Variants in SARDH observed in about 807,000 individuals in gnomAD.
SARDH encodes the protein sarcosine dehydrogenase, mitochondrial.
SARDH carries 95 observed loss-of-function variants against 109.1 expected under a neutral mutation model. The ratio of observed to expected loss-of-function variants is 0.87; its 90% confidence interval spans 0.74 to 1.03. SARDH has a LOEUF of 1.03. SARDH is among the 50% of genes least tolerant of loss of function. The pLI is 0.00. For missense variants in SARDH, 1,267 were observed against 1,287.8 expected, an observed-to-expected ratio of 0.98 and a Z score of 0.25; for synonymous variants, 572 against 534.8, an observed-to-expected ratio of 1.07 and a Z score of -0.96.
At position 133,690,543 on chromosome 9, in the gene SARDH, C is replaced by T. The variant is rs1232241120; in HGVS notation, c.1922-16G>A. The T allele has an allele frequency of 1.3e-6, 2 of 1,590,226 alleles. No individual in the cohort carries two copies. Among genetic ancestry groups the T allele is most frequent in the Non-Finnish European group, 1.7e-6 (2 of 1,170,682 alleles). ...TAACCGTCCCCTGGAAGAGAGGCAC[C>T]TGGACTTAGAGCAGGATTTCAGGGC... On this transcript the variant is annotated splice_polypyrimidine_tract_variant and intron_variant, in intron 15 of 20. Coordinates refer to ENST00000439388, the MANE Select transcript of SARDH (RefSeq NM_001134707.2).
rs754829616 is a variant in SARDH, at chr9:133,690,502, G to A, written c.1947C>T (p.Gly649=). 45 of 1,608,178 alleles carry A rather than the reference G, an allele frequency of 2.8e-5. No individual in the cohort carries two copies. The highest frequency in any genetic ancestry group is 4.5e-5 in the East Asian group (2 of 44,828). ...ACCAGTTGTGCTGGGCCACGGCCCC[G>A]CCCATGGCCAGGTAGTAACCGTCCC... is the stretch of plus-strand genomic sequence containing the variant. ...FEGDGYYLAM[G]GAVAQHNWSH... Residue 649 remains glycine, a synonymous_variant, in exon 16 of 21, where the codon GGC becomes GGT. Coordinates refer to ENST00000439388, the MANE Select transcript of SARDH (RefSeq NM_001134707.2).
chr9:133,673,221 C>T (rs1830410232), intron 17 of SARDH, among the ~76,000 whole-genome samples: 1 of 152,256 alleles, frequency 6.6e-6, no homozygotes, highest in African/African-American at 2.4e-5. Flanking sequence ...GCGTGATTTT[C>T]CTCACACACT....
intron 17 of SARDH, among the ~76,000 whole-genome samples, chr9:133,684,207 G>A (rs554754258): frequency 1.3e-5 from 2 of 152,222 alleles, no homozygotes; most frequent in South Asian, 2.1e-4. Context: ...TGGCTGTCAC[G>A]ACGGTGGGTG....
chr9:133,723,240 G>C (rs953700143), intron 6 of SARDH, among the ~76,000 whole-genome samples: 1 of 152,200 alleles, frequency 6.6e-6, no homozygotes, highest in African/African-American at 2.4e-5. Flanking sequence ...CACAATGCCT[G>C]TCAGAATCTC....
chr9:133,712,688 C>A lies in SARDH; in HGVS notation c.1259G>T (p.Cys420Phe). Residue 420 changes from cysteine to phenylalanine, a missense_variant, in exon 10 of 21, where the codon TGT becomes TTT. Cys to Phe is a radical substitution (Grantham distance 205). Coordinates refer to ENST00000439388, the MANE Select transcript of SARDH (RefSeq NM_001134707.2). This position sits in a 1 kb window ranked among gnomAD's most constrained non-coding sequence, Gnocchi z 4.1. ...GATCCAGTGGGCCAGCTCCTGCCCA[C>A]AGCCACCACCCAGCATCATTCCTGG... ...NSAGMMLGGG[C>F]GQELAHWIIH... is the part of the protein sequence containing the mutation. The A allele has an allele frequency of 1.2e-6, 2 of 1,609,732 alleles. No homozygotes were observed. Among genetic ancestry groups the A allele is most frequent in the Non-Finnish European group, 8.5e-7 (1 of 1,179,974 alleles).
Position 133,685,180 on chromosome 9 carries a change from A to T in SARDH, c.2163+13T>A, listed in dbSNP as rs1459285481. The T allele has an allele frequency of 6.2e-7, 1 of 1,612,036 alleles. No individual in the cohort carries two copies. The highest frequency in any genetic ancestry group is 8.5e-7 in the Non-Finnish European group (1 of 1,178,810). On this transcript the variant is annotated intron_variant, in intron 17 of 20. Transcript: ENST00000439388. ...CACCCACGACCCAGAGGACGTGGCCAGCTGGAACCTACCAGGTGCCCTGCG... is the reference window on the plus strand; with the variant it reads ...CACCCACGACCCAGAGGACGTGGCCTGCTGGAACCTACCAGGTGCCCTGCG...
intron 6 of SARDH, among the ~76,000 whole-genome samples, chr9:133,727,590 G>A (rs760084947): frequency 9.2e-5 from 14 of 152,196 alleles, no homozygotes; most frequent in Non-Finnish European, 1.8e-4. Flanking sequence ...CCTCTGGAAG[G>A]GACAACTTCC....
At chr9:133,689,451 T>C (rs1300551548) in intron 16 of SARDH, among the ~76,000 whole-genome samples, 1 of 151,814 alleles carries the variant, frequency 6.6e-6, no homozygotes, top group Non-Finnish European at 1.5e-5. Flanking sequence ...ACTAGGCCGT[T>C]TTCTCACAGA....
rs370850397 is a variant in SARDH, at chr9:133,725,167, C to T, written c.915+4598G>A. ...AAACGTCCAGAATAGGAAACTCCAT[C>T]GAGGCAGAAATCAGATTTGGGATTG... On this transcript the variant is annotated intron_variant, in intron 6 of 20. Coordinates refer to ENST00000439388, the MANE Select transcript of SARDH (RefSeq NM_001134707.2). 3.9e-5 allele frequency among the ~76,000 whole-genome samples: 6 copies of T among 152,170 alleles called. No homozygotes were observed. The East Asian group carries it at 5.8e-4, about 15-fold the overall frequency.
At chr9:133,691,558 T>C (rs1359578236) in intron 15 of SARDH, among the ~76,000 whole-genome samples, 1 of 152,120 alleles carries the variant, frequency 6.6e-6, no homozygotes, top group South Asian at 2.1e-4. Context: ...TTCAGTATCA[T>C]TGGAATGGTT....
rs188924558 is a variant in SARDH, at chr9:133,718,041, C to T, written c.1021-586G>A. Reference sequence around the variant, plus strand: ...TAACCTGCTAATTTTATTCAGTGCGCGATCATCTTCCAGAATTTCATTCCT... The same window carrying T: ...TAACCTGCTAATTTTATTCAGTGCGTGATCATCTTCCAGAATTTCATTCCT... On this transcript the variant is annotated intron_variant, in intron 7 of 20. Coordinates refer to ENST00000439388, the MANE Select transcript of SARDH (RefSeq NM_001134707.2). This position sits in a 1 kb window ranked among gnomAD's most constrained non-coding sequence, Gnocchi z 4.2. 3.9e-5 allele frequency among the ~76,000 whole-genome samples: 6 copies of T among 152,280 alleles called. No individual in the cohort carries two copies. Among genetic ancestry groups the T allele is most frequent in the East Asian group, 1.9e-4 (1 of 5,186 alleles).
rs115017071 is a variant in SARDH, at chr9:133,712,254, G to A, written c.1328+365C>T. ...AGCCGGGGCTGCCTGGCTGCAAGCC[G>A]CGGCATACACACTCAGCACAGTTTT... is the stretch of plus-strand genomic sequence containing the variant. On this transcript the variant is annotated intron_variant, in intron 10 of 20. Transcript: ENST00000439388. The surrounding 1 kb of genome is among the most constrained non-coding windows in gnomAD (Gnocchi z 4.1). Among the ~76,000 whole-genome samples the A allele has an allele frequency of 2.5e-3, 375 of 152,284 alleles. 2 individuals are homozygous for A. The highest frequency in any genetic ancestry group is 8.7e-3 in the African/African-American group (361 of 41,558).
chr9:133,708,684 C>T (rs1340068629), intron 10 of SARDH, among the ~76,000 whole-genome samples: 1 of 152,136 alleles, frequency 6.6e-6, no homozygotes, highest in African/African-American at 2.4e-5. Flanking sequence ...GCTCTCATCC[C>T]CCACAGGGAC....
intron 17 of SARDH, among the ~76,000 whole-genome samples, chr9:133,680,293 T>G (rs1281688368): frequency 1.3e-5 from 2 of 150,032 alleles, no homozygotes; most frequent in Non-Finnish European, 2.9e-5. Flanking sequence ...CACCGAGCCT[T>G]GGGTAACATG....
intron 14 of SARDH, 122 bp downstream of exon 14, chr9:133,696,101 A>C (rs1376616292): frequency 7.4e-6 from 9 of 1,214,746 alleles, no homozygotes; most frequent in Non-Finnish European, 1.0e-5. Flanking sequence ...AAGCCAGGTG[A>C]GGGCAAGGAG....
intron 10 of SARDH, among the ~76,000 whole-genome samples, chr9:133,711,464 C>T (rs1042202411): frequency 1.3e-5 from 2 of 152,200 alleles, no homozygotes; most frequent in African/African-American, 4.8e-5. Flanking sequence ...TTATCATTTC[C>T]GGGACATTCC....
At chr9:133,690,778 C>A (rs1432960023) in intron 15 of SARDH, among the ~76,000 whole-genome samples, 1 of 152,192 alleles carries the variant, frequency 6.6e-6, no homozygotes, top group Non-Finnish European at 1.5e-5. Flanking sequence ...CCTCTGCAGA[C>A]ACCTCAAAGG....
chr9:133,686,890 G>A lies in SARDH; in HGVS notation c.2070-1604C>T, dbSNP rs1468958951. 1.3e-5 allele frequency among the ~76,000 whole-genome samples: 2 copies of A among 152,188 alleles called. No individual in the cohort carries two copies. Among genetic ancestry groups the A allele is most frequent in the Non-Finnish European group, 2.9e-5 (2 of 68,036 alleles). On this transcript the variant is annotated intron_variant, in intron 16 of 20. Coordinates refer to ENST00000439388, the MANE Select transcript of SARDH (RefSeq NM_001134707.2). The surrounding 1 kb of genome is among the most constrained non-coding windows in gnomAD (Gnocchi z 4.0). ...CCTGGAGAGTGATACCAGTGCCTCA[G>A]ACCTGACAAGCACATGCTCTCTGCA...
At chr9:133,701,192 G>A (rs1320930998) in intron 13 of SARDH, among the ~76,000 whole-genome samples, 1 of 152,254 alleles carries the variant, frequency 6.6e-6, no homozygotes, top group Non-Finnish European at 1.5e-5. Context: ...GGACTGGATT[G>A]AAATCAGCCA....
Sources: gnomAD v4.1 joint callset for allele counts (sites outside exome capture counted in the v4.1 genomes callset) on GRCh38, gnomAD v4.1.1 for gene constraint, Gnocchi (gnomAD v3.1) non-coding constraint, MANE v1.5 for transcripts, NCBI Gene and HGNC (gene_info 2026-07-23, HGNC 2026-07-21) for gene names.